The following TECRL variants were observed in gnomAD, a reference collection of about 807,000 sequenced individuals.
TECRL encodes the protein trans-2,3-enoyl-CoA reductase-like.
A neutral mutation model predicts 52.8 loss-of-function variants in TECRL; 63 were observed. That is an observed-to-expected ratio of 1.19 (90% CI 0.97 to 1.47). The LOEUF (loss-of-function observed/expected upper bound fraction) is 1.47. Ranked by LOEUF, TECRL falls within the 40% of genes most tolerant of loss-of-function variation. The pLI is 0.00. For missense variants in TECRL, 482 were observed against 429.6 expected, an observed-to-expected ratio of 1.12 and a Z score of -1.08; for synonymous variants, 164 against 141.9, an observed-to-expected ratio of 1.16 and a Z score of -1.10.
intron 2 of TECRL, among the ~76,000 whole-genome samples, chr4:64,356,754 C>T (rs1276807470): frequency 1.3e-5 from 2 of 152,146 alleles, no homozygotes; most frequent in Admixed American, 1.3e-4. Flanking sequence ...GGTGGCGGTC[C>T]TCTGGGCCCA....
chr4:64,407,568 C>G (rs1009581533), intron 1 of TECRL, among the ~76,000 whole-genome samples: 10 of 151,326 alleles, frequency 6.6e-5, no homozygotes, highest in African/African-American at 1.7e-4. Context: ...AGGTGGATTG[C>G]CTGTCAGGGT....
At chr4:64,377,198 C>T (rs530596542) in intron 1 of TECRL, among the ~76,000 whole-genome samples, 47 of 152,026 alleles carry the variant, frequency 3.1e-4, no homozygotes, top group African/African-American at 1.1e-3. Flanking sequence ...TGAATAAATT[C>T]TTGAGAACTG....
chr4:64,348,616 T>C (rs552702814), intron 2 of TECRL, among the ~76,000 whole-genome samples: 8 of 152,330 alleles, frequency 5.3e-5, no homozygotes, highest in African/African-American at 1.9e-4. Context: ...CTGTCTCATC[T>C]ACTGACATCA....
chr4:64,283,535 G>T (rs904028697), intron 9 of TECRL, among the ~76,000 whole-genome samples: 1 of 151,900 alleles, frequency 6.6e-6, no homozygotes, highest in Non-Finnish European at 1.5e-5. Flanking sequence ...TATTCTATCT[G>T]GTCTAATATT....
chr4:64,329,617 T>C (rs1718492789), intron 2 of TECRL, among the ~76,000 whole-genome samples: 2 of 151,962 alleles, frequency 1.3e-5, no homozygotes, highest in African/African-American at 4.8e-5. Flanking sequence ...CTAGAAAATA[T>C]GTTATTTTCC....
intron 2 of TECRL, among the ~76,000 whole-genome samples, chr4:64,357,465 G>T (rs1373682455): frequency 1.3e-5 from 2 of 151,424 alleles, no homozygotes; most frequent in Non-Finnish European, 3.0e-5. Context: ...CAAAATAAAT[G>T]ATCGTGGAAA....
At chr4:64,312,628 A>G (rs1239029449) in intron 5 of TECRL, among the ~76,000 whole-genome samples, 1 of 151,968 alleles carries the variant, frequency 6.6e-6, no homozygotes, top group Non-Finnish European at 1.5e-5. Context: ...GCTGGTTGTG[A>G]TGGTGTGTAC....
At chr4:64,303,513 T>C (rs908620490) in intron 7 of TECRL, among the ~76,000 whole-genome samples, 8 of 151,784 alleles carry the variant, frequency 5.3e-5, no homozygotes, top group African/African-American at 1.9e-4. Context: ...TCTGTATCTA[T>C]GCTATAGATT....
At chr4:64,356,339 T>C (rs1720768311) in intron 2 of TECRL, among the ~76,000 whole-genome samples, 1 of 152,060 alleles carries the variant, frequency 6.6e-6, no homozygotes, top group Non-Finnish European at 1.5e-5. Context: ...GGAAAGCCTC[T>C]TGCAGTTGAG....
At chr4:64,360,998 G>C (rs1436986396) in intron 2 of TECRL, among the ~76,000 whole-genome samples, 1 of 152,134 alleles carries the variant, frequency 6.6e-6, no homozygotes, top group Non-Finnish European at 1.5e-5. Context: ...GGTGGCTTTA[G>C]CCTTTGTTAT....
At chr4:64,283,786 A>G (rs1369907221) in intron 9 of TECRL, among the ~76,000 whole-genome samples, 1 of 152,082 alleles carries the variant, frequency 6.6e-6, no homozygotes, top group African/African-American at 2.4e-5. Flanking sequence ...AAATCTTGGA[A>G]TATCTAGGTT....
At chr4:64,331,756 T>A (rs920151604) in intron 2 of TECRL, among the ~76,000 whole-genome samples, 1 of 152,058 alleles carries the variant, frequency 6.6e-6, no homozygotes, top group Non-Finnish European at 1.5e-5. Flanking sequence ...AGTGTAGTCA[T>A]GCAGAACAAA....
chr4:64,375,960 A>C (rs771229173), intron 1 of TECRL, among the ~76,000 whole-genome samples: 10 of 151,882 alleles, frequency 6.6e-5, no homozygotes, highest in Non-Finnish European at 1.2e-4. Flanking sequence ...ATGATAATTC[A>C]AGAAAATATA....
intron 9 of TECRL, among the ~76,000 whole-genome samples, chr4:64,286,233 A>G (rs1171518116): frequency 6.6e-6 from 1 of 152,110 alleles, no homozygotes; most frequent in Non-Finnish European, 1.5e-5. Flanking sequence ...ATATGGAAAA[A>G]AAACAAGAAG....
chr4:64,356,818 A>G (rs4241648), intron 2 of TECRL, among the ~76,000 whole-genome samples: 137,898 of 152,072 alleles, frequency 0.91, 63,020 homozygotes, highest in East Asian at 1. Context: ...TCAGTCTCTC[A>G]TCCCACCTGA....
chr4:64,404,745 G>A (rs1292739453), intron 1 of TECRL, among the ~76,000 whole-genome samples: 1 of 152,052 alleles, frequency 6.6e-6, no homozygotes, highest in Non-Finnish European at 1.5e-5. Context: ...GAGAATTTGA[G>A]CAGTAGGTAA....
At position 64,302,392 on chromosome 4, in the gene TECRL, G is replaced by A. The variant is rs1006892560; in HGVS notation, c.731-2375C>T. 3.3e-5 allele frequency among the ~76,000 whole-genome samples: 5 copies of A among 151,240 alleles called. No homozygotes were observed. In the East Asian group the frequency reaches 9.6e-4, roughly 29 times the overall value. On this transcript the variant is annotated intron_variant, in intron 7 of 11. Coordinates refer to ENST00000381210, the MANE Select transcript of TECRL (RefSeq NM_001010874.5). ...GGAAAAAGACCAGTTAGCATAGAGA[G>A]CAAAGAAGAGCAGTGTCAACTATGA...
rs1220668631 is a variant in TECRL at position 64,388,901 on chromosome 4, T to C, written c.235-13678A>G. Among the ~76,000 whole-genome samples, 3 of 151,916 alleles carry C rather than the reference T, an allele frequency of 2.0e-5. No homozygotes were observed. In the East Asian group the frequency reaches 5.8e-4, roughly 29 times the overall value. ...ATTGCTCTTATTCATTAGTAGGATA[T>C]ACAATATAGTAACATGACTGACTTT... On this transcript the variant is annotated intron_variant, in intron 1 of 11. Transcript: ENST00000381210.
chr4:64,336,965 TGAG>T (rs928880500), intron 2 of TECRL, among the ~76,000 whole-genome samples: 10 of 152,172 alleles, frequency 6.6e-5, no homozygotes, highest in African/African-American at 2.4e-4. Context: ...GGTGTGGTGC[TGAG>T]AAGAATGTAT....
Sources: allele counts gnomAD v4.1 joint callset (sites outside exome capture counted in the v4.1 genomes callset), GRCh38; gene constraint gnomAD v4.1.1; transcripts MANE v1.5; gene names NCBI Gene and HGNC (gene_info 2026-07-23, HGNC 2026-07-21).